NHSL2: variants seen among roughly 807,000 people sequenced by gnomAD.
NHSL2 encodes NHS like 2.
NHSL2 carries 27 observed loss-of-function variants against 53.4 expected under a neutral mutation model. The observed-to-expected ratio is 0.51, with a 90% CI of 0.37 to 0.70. The LOEUF (loss-of-function observed/expected upper bound fraction) is 0.70. NHSL2 is among the 30% of genes least tolerant of loss of function. NHSL2 has a pLI of 0.00. For synonymous variants in NHSL2, 408 were observed against 404.1 expected, an observed-to-expected ratio of 1.01 and a Z score of -0.12; for missense variants, 892 against 980.1, an observed-to-expected ratio of 0.91 and a Z score of 1.20.
At chrX:71,958,528 G>A (rs1465609308) in intron 1 of NHSL2, among the ~76,000 whole-genome samples, 3 of 111,931 alleles carry the variant, frequency 2.7e-5, no homozygotes, top group Non-Finnish European at 5.6e-5. Context: ...CAGTGGGGAC[G>A]AGTTGGGGGA....
At chrX:71,981,786 C>T (rs968366095) in intron 1 of NHSL2, among the ~76,000 whole-genome samples, 2 of 111,623 alleles carry the variant, frequency 1.8e-5, no homozygotes, top group Non-Finnish European at 3.8e-5. Context: ...CACTTCCCAC[C>T]CAATAGATTT....
At chrX:71,927,170 A>G (rs1168029292) in intron 1 of NHSL2, among the ~76,000 whole-genome samples, 2 of 112,386 alleles carry the variant, frequency 1.8e-5, no homozygotes, top group Non-Finnish European at 3.8e-5. Flanking sequence ...GTCCACAAGG[A>G]GCAGATGGAA....
intron 1 of NHSL2, among the ~76,000 whole-genome samples, chrX:72,028,531 C>T (rs1160282105): frequency 8.9e-6 from 1 of 112,233 alleles, no homozygotes; most frequent in East Asian, 2.8e-4. Context: ...GGTCCTTCCG[C>T]CTGGCCTCCT....
At chrX:71,949,605 C>T (rs1302336264) in intron 1 of NHSL2, among the ~76,000 whole-genome samples, 1 of 111,839 alleles carries the variant, frequency 8.9e-6, no homozygotes, top group Non-Finnish European at 1.9e-5. Context: ...ACTGAGCTCC[C>T]CCACCACAGC....
intron 1 of NHSL2, among the ~76,000 whole-genome samples, chrX:72,106,913 C>T (rs1050316275): frequency 3.1e-5 from 3 of 98,035 alleles, no homozygotes; most frequent in African/African-American, 1.2e-4. Flanking sequence ...AGTTGAACAA[C>T]GAGAACACAT....
chrX:72,119,847 A>G (rs142155356), intron 1 of NHSL2, among the ~76,000 whole-genome samples: 1,501 of 112,418 alleles, frequency 0.013, 31 homozygotes, highest in African/African-American at 0.047. Context: ...AAAAGCATCC[A>G]GTATTTCACC....
chrX:72,069,360 C>T lies in NHSL2; in HGVS notation c.281-62719C>T, dbSNP rs757359252. Among the ~76,000 whole-genome samples, 3 of 103,287 alleles carry T rather than the reference C, an allele frequency of 2.9e-5. No individual in the cohort carries two copies. The East Asian group carries it at 9.1e-4, about 31-fold the overall frequency. 89.7% of individuals were successfully genotyped at this position (103,287 alleles called of 115,157 possible). A position where few individuals can be genotyped will look rare whatever the true frequency, so the allele number is the denominator to read the frequency against. Reference sequence around the variant, plus strand: ...TTCTCTTGGAACCTGGGCTGCTCGACCCGAGTGGAGCACTGAGCAAGGGGG... The same window carrying T: ...TTCTCTTGGAACCTGGGCTGCTCGATCCGAGTGGAGCACTGAGCAAGGGGG... On this transcript the variant is annotated intron_variant, in intron 1 of 7. Transcript: ENST00000633930.
At chrX:71,978,470 C>T (rs2041958616) in intron 1 of NHSL2, among the ~76,000 whole-genome samples, 1 of 112,255 alleles carries the variant, frequency 8.9e-6, no homozygotes, top group Non-Finnish European at 1.9e-5. Context: ...CAAAAAGCCA[C>T]TCGCTATAGG....
intron 1 of NHSL2, among the ~76,000 whole-genome samples, chrX:72,052,280 G>C (rs2042345048): frequency 8.9e-6 from 1 of 112,250 alleles, no homozygotes; most frequent in Non-Finnish European, 1.9e-5. Flanking sequence ...AGTCCTCCGA[G>C]GCACACCTGT....
chrX:72,116,995 T>A (rs2042144659), intron 1 of NHSL2, among the ~76,000 whole-genome samples: 2 of 111,437 alleles, frequency 1.8e-5, no homozygotes, highest in African/African-American at 6.5e-5. Flanking sequence ...TACATATCTA[T>A]AGGTACCAGG....
rs774708699 is a variant in NHSL2, at chrX:72,139,893, A to G, written c.2345A>G (p.Asp782Gly). 1.7e-5 allele frequency: 20 copies of G among 1,209,372 alleles called. No individual in the cohort carries two copies. The highest frequency in any genetic ancestry group is 1.1e-4 in the Admixed American group (5 of 45,783). Residue 782 changes from aspartate (D) to glycine (G), a missense_variant, in exon 6 of 8, where the codon GAT becomes GGT. Coordinates refer to ENST00000633930, the MANE Select transcript of NHSL2 (RefSeq NM_001013627.3). ...DLPLTSSPNL[D>G]LSGMSISIRS... is the part of the protein sequence containing the mutation. ...CCACTGACCTCTTCACCCAACCTGGATCTGTCTGGGATGAGTATCTCCATC... is the reference window on the plus strand; with the variant it reads ...CCACTGACCTCTTCACCCAACCTGGGTCTGTCTGGGATGAGTATCTCCATC...
chrX:72,018,701 G>A (rs1033932206), intron 1 of NHSL2, among the ~76,000 whole-genome samples: 7 of 112,632 alleles, frequency 6.2e-5, no homozygotes, highest in Admixed American at 5.5e-4. Flanking sequence ...GAAGCAGCCG[G>A]GCCCCCGCCC....
chrX:72,055,221 C>CA (rs1233825501), intron 1 of NHSL2, among the ~76,000 whole-genome samples: 7 of 112,010 alleles, frequency 6.2e-5, no homozygotes, highest in African/African-American at 2.3e-4. Context: ...TCTAAACACT[C>CA]AGACTTGAGC....
At chrX:72,006,003 T>A (rs1203674642) in intron 1 of NHSL2, among the ~76,000 whole-genome samples, 1 of 111,493 alleles carries the variant, frequency 9.0e-6, no homozygotes, top group Non-Finnish European at 1.9e-5. Context: ...AGGGAGAAGG[T>A]GTTGGGAAAG....
At chrX:72,018,472 C>T (rs1782242561) in intron 1 of NHSL2, among the ~76,000 whole-genome samples, 2 of 113,031 alleles carry the variant, frequency 1.8e-5, no homozygotes, top group African/African-American at 6.4e-5. Flanking sequence ...TCCATGATGC[C>T]CAGGTCCGCG....
intron 1 of NHSL2, among the ~76,000 whole-genome samples, chrX:71,941,918 G>A (rs189129366): frequency 9.0e-6 from 1 of 111,616 alleles, no homozygotes; most frequent in African/African-American, 3.3e-5. Flanking sequence ...CATGAGCTGG[G>A]GATCGAGCTG....
chrX:71,935,539 A>G (rs2041734122), intron 1 of NHSL2, among the ~76,000 whole-genome samples: 1 of 112,916 alleles, frequency 8.9e-6, no homozygotes, highest in Non-Finnish European at 1.9e-5. Context: ...AATAAAATGA[A>G]AGAGTCTTGG....
intron 1 of NHSL2, among the ~76,000 whole-genome samples, chrX:72,117,204 C>T: frequency 9.3e-6 from 1 of 107,050 alleles, no homozygotes; most frequent in Non-Finnish European, 1.9e-5. Context: ...GAGTATGGGG[C>T]TTGTCTCTAT....
chrX:72,062,215 G>A (rs1477315530), intron 1 of NHSL2, among the ~76,000 whole-genome samples: 3 of 112,225 alleles, frequency 2.7e-5, no homozygotes, highest in East Asian at 5.5e-4. Flanking sequence ...GTAAGGCAGA[G>A]GGTGGTGTGC....
Sources: allele counts gnomAD v4.1 joint callset (sites outside exome capture counted in the v4.1 genomes callset), GRCh38; gene constraint gnomAD v4.1.1; transcripts MANE v1.5; gene names NCBI Gene and HGNC (gene_info 2026-07-23, HGNC 2026-07-21).